RGS9: variants seen among roughly 807,000 people sequenced by gnomAD.
RGS9 encodes regulator of G protein signaling 9.
RGS9 carries 78 observed loss-of-function variants against 102.0 expected under a neutral mutation model. The observed-to-expected ratio is 0.76, with a 90% CI of 0.64 to 0.92. The LOEUF (loss-of-function observed/expected upper bound fraction) is 0.92. Ranked by LOEUF, RGS9 falls within the 40% of genes least tolerant of loss-of-function variation. RGS9 has a pLI of 0.00. For missense variants in RGS9, 833 were observed against 866.1 expected (o/e 0.96, Z 0.48); for synonymous variants, 353 against 318.6 (o/e 1.11, Z -1.15).
At chr17:65,153,664 G>T (rs888766433) in intron 2 of RGS9, 146 bp downstream of exon 2, 4 of 688,484 alleles carry the variant, frequency 5.8e-6, no homozygotes, top group Non-Finnish European at 1.1e-5. Context: ...GGCCGAGGCG[G>T]GTGGATCACA....
intron 17 of RGS9, among the ~76,000 whole-genome samples, chr17:65,216,551 C>T (rs1434884057): frequency 3.3e-5 from 5 of 152,168 alleles, no homozygotes; most frequent in Non-Finnish European, 5.9e-5. Context: ...ACAGGAGAAT[C>T]GCTTGAACCC....
At chr17:65,224,098 T>C (rs1466188875) in intron 17 of RGS9, among the ~76,000 whole-genome samples, 1 of 152,218 alleles carries the variant, frequency 6.6e-6, no homozygotes, top group African/African-American at 2.4e-5. Flanking sequence ...AGCAGGCCTT[T>C]AGGAGGGAAT....
intron 2 of RGS9, among the ~76,000 whole-genome samples, chr17:65,154,524 A>G (rs1249366428): frequency 6.6e-6 from 1 of 152,144 alleles, no homozygotes; most frequent in Admixed American, 6.6e-5. Context: ...AGTAGCAGAA[A>G]AAAAAATACT....
intron 17 of RGS9, among the ~76,000 whole-genome samples, chr17:65,215,489 G>GTTCTTTCATTCT (rs1453846214): frequency 8.6e-6 from 1 of 116,130 alleles, no homozygotes; most frequent in South Asian, 3.0e-4. Context: ...TCTTTCTTTC[G>GTTCTTTCATTCT]TTCTTTCGTT....
chr17:65,149,136 T>TTTG (rs766717473), intron 1 of RGS9, among the ~76,000 whole-genome samples: 4 of 146,454 alleles, frequency 2.7e-5, no homozygotes, highest in African/African-American at 2.7e-5. Flanking sequence ...TAGTTTTTTT[T>TTTG]TTGTTGTTGT....
chr17:65,154,573 G>T (rs12453147), intron 2 of RGS9, among the ~76,000 whole-genome samples: 38,163 of 151,954 alleles, frequency 0.25, 7,301 homozygotes, highest in East Asian at 0.51. Context: ...TTGCTCCACC[G>T]TTTACCTTCT....
chr17:65,224,505 C>T (rs1003515470), intron 17 of RGS9, among the ~76,000 whole-genome samples: 1 of 152,238 alleles, frequency 6.6e-6, no homozygotes, highest in Non-Finnish European at 1.5e-5. Context: ...GGAGGGGCCT[C>T]AGGCCCGGAG....
At position 65,163,002 on chromosome 17, in the gene RGS9, T is replaced by C. The variant is rs1381364855; in HGVS notation, c.424-11T>C. The C allele has an allele frequency of 6.1e-6, 9 of 1,468,524 alleles. No individual in the cohort carries two copies. Among genetic ancestry groups the C allele is most frequent in the African/African-American group, 5.6e-5 (4 of 71,558 alleles). 91.0% of individuals were successfully genotyped at this position (1,468,524 alleles called of 1,614,324 possible). Reference sequence around the variant, plus strand: ...GGGGCTTTCTGTTCTCATTTTGTTTTTCTTCTTTAGGAAAATTACAATTTC... The same window carrying C: ...GGGGCTTTCTGTTCTCATTTTGTTTCTCTTCTTTAGGAAAATTACAATTTC... On this transcript the variant is annotated splice_polypyrimidine_tract_variant and intron_variant, in intron 6 of 18. Coordinates refer to ENST00000262406, the MANE Select transcript of RGS9 (RefSeq NM_003835.4).
In RGS9 at chr17:65,207,963, C is replaced by G; in HGVS notation, c.1245C>G (p.Asp415Glu). The change falls in exon 16 of 19, where the codon GAC (aspartate) becomes GAG (glutamate). Residue 415 changes from aspartate to glutamate, a missense_variant. This residue lies in a region of RGS9 where 185 missense variants were observed against 248.7 expected (regional missense o/e 0.74). Coordinates refer to ENST00000262406, the MANE Select transcript of RGS9 (RefSeq NM_003835.4). ...ARYLKSPIYK[D>E]MLAKAIEPQE... ...ATTTAAAATCTCCGATCTATAAGGA[C>G]ATGCTGGCCAAAGCTATTGAACCTC... is the stretch of plus-strand genomic sequence containing the variant. 6.2e-7 allele frequency: 1 copy of G among 1,613,414 alleles called. No individual in the cohort carries two copies. Among genetic ancestry groups the G allele is most frequent in the Non-Finnish European group, 8.5e-7 (1 of 1,179,452 alleles).
At chr17:65,219,657 G>C (rs1913633058) in intron 17 of RGS9, among the ~76,000 whole-genome samples, 1 of 152,190 alleles carries the variant, frequency 6.6e-6, no homozygotes, top group African/African-American at 2.4e-5. Context: ...GACTTTTAGA[G>C]AAAAGGCTGC....
At chr17:65,220,007 CCAT>C (rs1913649158) in intron 17 of RGS9, among the ~76,000 whole-genome samples, 1 of 142,372 alleles carries the variant, frequency 7.0e-6, no homozygotes, top group African/African-American at 2.9e-5. Flanking sequence ...ATCATCATCA[CCAT>C]CAACATCACC....
chr17:65,204,473 A>G (rs1230446950), intron 15 of RGS9, among the ~76,000 whole-genome samples, 172 bp downstream of exon 15: 1 of 152,176 alleles, frequency 6.6e-6, no homozygotes, highest in African/African-American at 2.4e-5. Context: ...CTCTTTGGGA[A>G]GCTGAGATGG....
intron 1 of RGS9, among the ~76,000 whole-genome samples, chr17:65,151,803 G>A (rs1326949447): frequency 2.6e-5 from 4 of 152,074 alleles, no homozygotes; most frequent in African/African-American, 7.2e-5. Flanking sequence ...GTTTATTTTC[G>A]CTCTTCCAGG....
At chr17:65,193,106 C>CAAAA (rs372675773) in intron 11 of RGS9, among the ~76,000 whole-genome samples, 5 of 131,172 alleles carry the variant, frequency 3.8e-5, no homozygotes, top group African/African-American at 1.4e-4. Context: ...ACCAAAAATA[C>CAAAA]AAAAAAAAAA....
intron 8 of RGS9, among the ~76,000 whole-genome samples, chr17:65,170,808 G>A (rs1197171935): frequency 6.6e-6 from 1 of 152,170 alleles, no homozygotes; most frequent in African/African-American, 2.4e-5. Flanking sequence ...TGCTCCCTGA[G>A]TGAAAACCAG....
At chr17:65,194,111 A>G (rs1343842007) in intron 12 of RGS9, among the ~76,000 whole-genome samples, 2 of 152,262 alleles carry the variant, frequency 1.3e-5, no homozygotes, top group African/African-American at 4.8e-5. Context: ...TATTGATTTC[A>G]TCTCTTGGGT....
chr17:65,196,686 A>G (rs1223969113), intron 12 of RGS9, among the ~76,000 whole-genome samples: 1 of 149,814 alleles, frequency 6.7e-6, no homozygotes, highest in Non-Finnish European at 1.5e-5. Flanking sequence ...GTAGGGGGGC[A>G]GCTGTCGTGG....
chr17:65,197,709 G>T, intron 13 of RGS9, among the ~76,000 whole-genome samples: 1 of 148,808 alleles, frequency 6.7e-6, no homozygotes, highest in Admixed American at 6.7e-5. Context: ...TTGCTGTGTC[G>T]CCCAGCCTGG....
At chr17:65,186,498 C>T (rs1312640769) in intron 9 of RGS9, among the ~76,000 whole-genome samples, 2 of 152,144 alleles carry the variant, frequency 1.3e-5, no homozygotes, top group African/African-American at 2.4e-5. Context: ...CCACCGAACC[C>T]GGCCTTGTTT....
Sources: gnomAD v4.1 joint callset for allele counts (sites outside exome capture counted in the v4.1 genomes callset) on GRCh38, gnomAD v4.1.1 for gene constraint, gnomAD v4.1.1 regional missense constraint, MANE v1.5 for transcripts, NCBI Gene and HGNC (gene_info 2026-07-23, HGNC 2026-07-21) for gene names.